EXOC2: variants seen among roughly 807,000 people sequenced by gnomAD.
The protein encoded by EXOC2 is SEC5-like 1.
Under a neutral mutation model 131.8 loss-of-function variants are expected in EXOC2, and 70 were observed. That is an observed-to-expected ratio of 0.53 (90% CI 0.44 to 0.65). The LOEUF is 0.65. EXOC2 is among the 30% of genes least tolerant of loss of function. EXOC2 has a pLI of 0.00. For missense variants in EXOC2, 923 were observed against 1,108.6 expected (o/e 0.83, Z 2.38); for synonymous variants, 411 against 398.4 (o/e 1.03, Z -0.38).
intron 22 of EXOC2, among the ~76,000 whole-genome samples, chr6:543,360 C>A (rs1464173435): frequency 6.6e-6 from 1 of 152,146 alleles, no homozygotes; most frequent in Non-Finnish European, 1.5e-5. Context: ...ATAAACCAGG[C>A]ACGGAAAGAC....
intron 23 of EXOC2, among the ~76,000 whole-genome samples, chr6:507,106 ACAG>A (rs1292649253): frequency 7.0e-6 from 1 of 143,114 alleles, no homozygotes; most frequent in Non-Finnish European, 1.5e-5. Flanking sequence ...ACACACACAC[ACAG>A]CAGTGACTAC....
At chr6:599,251 T>A in intron 7 of EXOC2, 26 bp from the exon 8 acceptor site, 1 of 1,513,442 alleles carries the variant, frequency 6.6e-7, no homozygotes, top group Non-Finnish European at 8.9e-7. Flanking sequence ...GAAAGGAAAC[T>A]TAGATGAAAG....
chr6:554,010 A>C lies in EXOC2; in HGVS notation c.2055-90T>G, dbSNP rs969260762. 2.9e-5 allele frequency: 28 copies of C among 980,902 alleles called. No homozygotes were observed. The African/African-American group carries it at 4.3e-4, about 15-fold the overall frequency. 60.8% of individuals were successfully genotyped at this position (980,902 alleles called of 1,614,324 possible). On this transcript the variant is annotated intron_variant, in intron 20 of 27. Transcript: ENST00000230449. ...TATACGCAAATTTAAACGTGCAATG[A>C]ATTATATGGAAAACATTTGGTGAAA... is the stretch of plus-strand genomic sequence containing the variant.
chr6:565,187 G>T (rs925256042), intron 13 of EXOC2, among the ~76,000 whole-genome samples: 1 of 152,148 alleles, frequency 6.6e-6, no homozygotes, highest in Non-Finnish European at 1.5e-5. Flanking sequence ...TGAAACTACC[G>T]ATTTTACAGG....
At chr6:501,614 C>A (rs1019307095) in intron 23 of EXOC2, among the ~76,000 whole-genome samples, 9 of 19,408 alleles carry the variant, frequency 4.6e-4, no homozygotes, top group Admixed American at 8.0e-4. Flanking sequence ...TATTATATAT[C>A]TATATATTAT....
At chr6:666,376 A>ACCATAGTCATGTAAGCCAGTTCCCCT (rs144263117) in intron 1 of EXOC2, among the ~76,000 whole-genome samples, 53 of 103,230 alleles carry the variant, frequency 5.1e-4, no homozygotes, top group East Asian at 1.9e-3. Flanking sequence ...AAAATTGAGC[A>ACCATAGTCATGTAAGCCAGTTCCCCT]AATGATTCAA....
At position 619,448 on chromosome 6, in the gene EXOC2, T is replaced by C. The variant is rs758957020; in HGVS notation, c.518A>G (p.Glu173Gly). 4 of 1,613,810 alleles carry C rather than the reference T, an allele frequency of 2.5e-6. No individual in the cohort carries two copies. The highest frequency in any genetic ancestry group is 3.3e-5 in the Admixed American group (2 of 60,002). The change falls in exon 5 of 28, where the codon GAG (glutamate) becomes GGG (glycine). Residue 173 changes from glutamate (E) to glycine (G), a missense_variant. Transcript: ENST00000230449. ...CACTAACCTGGTGTTTGAGTGATTC[T>C]CTATAAGATACCAGGCTGCTGAGAA... ...ENFSAAWYLI[E>G]NHSNTSFEQL...
At chr6:583,541 T>C (rs2127611902) in intron 11 of EXOC2, among the ~76,000 whole-genome samples, 1 of 152,342 alleles carries the variant, frequency 6.6e-6, no homozygotes. Flanking sequence ...ATTCAACAGC[T>C]GTTACTTTAC....
chr6:522,952 C>T (rs1192694715), intron 23 of EXOC2, among the ~76,000 whole-genome samples: 1 of 152,170 alleles, frequency 6.6e-6, no homozygotes, highest in East Asian at 1.9e-4. Context: ...CTGTTTTCCT[C>T]CAAAGGCCAG....
chr6:630,069 G>A, intron 3 of EXOC2, 108 bp from the exon 4 acceptor site: 7 of 1,301,108 alleles, frequency 5.4e-6, no homozygotes, highest in South Asian at 1.8e-5. Flanking sequence ...AATGCCTGTT[G>A]GATAATCTTT....
At chr6:677,326 G>T (rs2127790064) in intron 1 of EXOC2, among the ~76,000 whole-genome samples, 1 of 152,340 alleles carries the variant, frequency 6.6e-6, no homozygotes. Context: ...TTCATTAGTG[G>T]GTTGAAGTTT....
At chr6:550,212 T>C (rs1208054584) in intron 21 of EXOC2, among the ~76,000 whole-genome samples, 1 of 151,446 alleles carries the variant, frequency 6.6e-6, no homozygotes, top group Non-Finnish European at 1.5e-5. Context: ...TTCCATCACA[T>C]ACTCTGCATG....
chr6:644,513 C>A (rs765318870), intron 1 of EXOC2, among the ~76,000 whole-genome samples: 2 of 151,592 alleles, frequency 1.3e-5, no homozygotes, highest in Non-Finnish European at 2.9e-5. Context: ...TGCAATAGGG[C>A]GAATTAAAGA....
intron 1 of EXOC2, among the ~76,000 whole-genome samples, chr6:646,182 A>C (rs549160921): frequency 6.6e-6 from 1 of 152,300 alleles, no homozygotes; most frequent in East Asian, 1.9e-4. Flanking sequence ...GTATGGTACC[A>C]ATATTTTATT....
At chr6:497,903 C>A (rs79831456) in intron 24 of EXOC2, among the ~76,000 whole-genome samples, 2,447 of 152,242 alleles carry the variant, frequency 0.016, 81 homozygotes, top group African/African-American at 0.054. Context: ...TGACAAACAC[C>A]ATTTCATATG....
At chr6:591,521 C>A (rs1759542318) in intron 11 of EXOC2, among the ~76,000 whole-genome samples, 1 of 152,056 alleles carries the variant, frequency 6.6e-6, no homozygotes. Flanking sequence ...GATGTCACTC[C>A]CTTCAGCTCT....
chr6:591,951 A>G (rs1260307582), intron 11 of EXOC2, among the ~76,000 whole-genome samples: 1 of 152,192 alleles, frequency 6.6e-6, no homozygotes, highest in East Asian at 1.9e-4. Context: ...TCTCTGAGAC[A>G]TTCCCACACC....
At chr6:610,439 G>C (rs1760657025) in intron 6 of EXOC2, among the ~76,000 whole-genome samples, 1 of 152,094 alleles carries the variant, frequency 6.6e-6, no homozygotes, top group Admixed American at 6.5e-5. Context: ...AATTGAAAAA[G>C]AAAAGGGAGA....
chr6:527,252 C>T (rs1423581394), intron 23 of EXOC2, among the ~76,000 whole-genome samples: 3 of 152,222 alleles, frequency 2.0e-5, no homozygotes, highest in Non-Finnish European at 4.4e-5. Context: ...ATTCTTGTAG[C>T]ATTTTTCTTA....
Sources: allele counts gnomAD v4.1 joint callset (sites outside exome capture counted in the v4.1 genomes callset), GRCh38; gene constraint gnomAD v4.1.1; transcripts MANE v1.5; gene names NCBI Gene and HGNC (gene_info 2026-07-23, HGNC 2026-07-21).